The following OFD1 variants were observed in gnomAD, a reference collection of about 807,000 sequenced individuals.
OFD1 encodes OFD1 centriole and centriolar satellite protein.
Under a neutral mutation model 81.4 loss-of-function variants are expected in OFD1, and 12 were observed. That is an observed-to-expected ratio of 0.15 (90% CI 0.09 to 0.24). The LOEUF (loss-of-function observed/expected upper bound fraction) is 0.24, where lower values mean the gene tolerates loss of function less well. Among genes scored for constraint, OFD1 ranks in the 10% least tolerant of loss-of-function variants. The pLI, the probability that OFD1 is intolerant of heterozygous loss-of-function variation, is 1.00. For missense variants in OFD1, 685 were observed against 733.9 expected (o/e 0.93, Z 0.77); for synonymous variants, 256 against 263.7 (o/e 0.97, Z 0.28).
chrX:13,734,217 A>G (rs1281847504), upstream of OFD1: 3 of 454,524 alleles, frequency 6.6e-6, no homozygotes, highest in Non-Finnish European at 1.2e-5. Context: ...ATACAGCTAA[A>G]CCTACAATGC....
the OFD1 span, chrX:13,719,918 G>T: frequency 8.3e-7 from 1 of 1,202,567 alleles, no homozygotes; most frequent in South Asian, 1.8e-5. Flanking sequence ...TCAAAAACTG[G>T]ATTATCATGG....
Position 13,760,727 on chromosome X carries a change from C to T in OFD1, c.2260+7C>T. 1 of 1,211,190 alleles carries T rather than the reference C, an allele frequency of 8.3e-7. No individual in the cohort carries two copies. The highest frequency in any genetic ancestry group is 2.3e-4 in the Middle Eastern group (1 of 4,354). On this transcript the variant is annotated splice_region_variant and intron_variant, in intron 16 of 22. Coordinates refer to ENST00000340096, the MANE Select transcript of OFD1 (RefSeq NM_003611.3). ...AGTGAAATGTATCTGGAAGGTAAGC[C>T]ACCCGCACAAAGGGTTGCGGGGTGC...
chrX:13,755,452 C>T (rs1417771985), intron 12 of OFD1, among the ~76,000 whole-genome samples: 2 of 110,080 alleles, frequency 1.8e-5, no homozygotes, highest in African/African-American at 6.6e-5. Context: ...TCCTGGAGTC[C>T]TGCCCACATC....
At chrX:13,725,703 C>T in the OFD1 span, among the ~76,000 whole-genome samples, 1 of 112,363 alleles carries the variant, frequency 8.9e-6, no homozygotes. Flanking sequence ...CTCTTCTCCT[C>T]CAAAGGATTG....
chrX:13,752,844 A>G, intron 10 of OFD1: 1 of 963,615 alleles, frequency 1.0e-6, no homozygotes, highest in Non-Finnish European at 1.3e-6. Context: ...ACAGCTGGGA[A>G]AGGGAAGTGA....
rs201675886 is a variant in OFD1, at chrX:13,736,642, T to A, written c.276T>A (p.Ser92=). ...LQRCGYEYSL[S]VFFPESGLAK... ...GATGTGGCTATGAATATTCACTTTC[T>A]GTTTTCTTTCCAGAAAGTGGTTTGG... The change falls in exon 3 of 23, where the codon TCT becomes TCA. Residue 92 remains serine, a synonymous_variant. Coordinates refer to ENST00000340096, the MANE Select transcript of OFD1 (RefSeq NM_003611.3). 8.3e-7 allele frequency: 1 copy of A among 1,210,397 alleles called. No individual in the cohort carries two copies. The highest frequency in any genetic ancestry group is 1.1e-6 in the Non-Finnish European group (1 of 894,506).
rs1322792816 is a variant in OFD1 at position 13,762,222 on chromosome X, A to G, written c.2388-122A>G. The G allele has an allele frequency of 9.6e-6, 5 of 521,521 alleles. No individual in the cohort carries two copies. In the African/African-American group the frequency reaches 1.2e-4, roughly 12 times the overall value. 43.0% of individuals were successfully genotyped at this position (521,521 alleles called of 1,213,427 possible). A position where few individuals can be genotyped will look rare whatever the true frequency, so the allele number is the denominator to read the frequency against. ...TGGTGGTGGTGAGGTGGAGCTATTTACAAGACAAAGAGAAAGGGAATTTTG... is the reference window on the plus strand; with the variant it reads ...TGGTGGTGGTGAGGTGGAGCTATTTGCAAGACAAAGAGAAAGGGAATTTTG... On this transcript the variant is annotated intron_variant, in intron 17 of 22. Transcript: ENST00000340096.
intron 11 of OFD1, among the ~76,000 whole-genome samples, chrX:13,753,733 C>T (rs1240336041): frequency 8.9e-6 from 1 of 111,988 alleles, no homozygotes; most frequent in African/African-American, 3.2e-5. Context: ...TTGTCAGGAA[C>T]GTAGCAGCAA....
rs1449819008 is a variant in OFD1, at chrX:13,735,416, C to G, written c.111+70C>G. The stretch of plus-strand genomic sequence containing the variant: ...CTGTAACAGGTAGTTCAAATTCAAT[C>G]AAGGTTTAGGTTTTAATAATCGTAT... On this transcript the variant is annotated intron_variant, in intron 2 of 22. Transcript: ENST00000340096. 4 of 811,778 alleles carry G rather than the reference C, an allele frequency of 4.9e-6. No homozygotes were observed. In the African/African-American group the frequency reaches 8.1e-5, roughly 16 times the overall value. The allele number at this position is 811,778 out of a possible 1,213,427, so 66.9% of individuals were successfully genotyped here.
At chrX:13,754,687 C>T (rs976800487) in intron 11 of OFD1, among the ~76,000 whole-genome samples, 2 of 112,602 alleles carry the variant, frequency 1.8e-5, no homozygotes, top group Admixed American at 9.3e-5. Flanking sequence ...GGATTACAGG[C>T]GTGAGCCACT....
downstream of OFD1, chrX:13,773,113 C>T (rs1007328195): frequency 1.6e-5 from 14 of 873,100 alleles, no homozygotes; most frequent in Admixed American, 5.0e-5. Flanking sequence ...ACAGACTTGA[C>T]TTTAAAGGGG....
intron 18 of OFD1, 134 bp from the exon 19 acceptor site, chrX:13,763,611 C>G (rs1421453852): frequency 1.8e-5 from 9 of 502,195 alleles, no homozygotes; most frequent in Non-Finnish European, 3.2e-5. Context: ...TTCATAGAAT[C>G]CTGTTAGGAA....
At chrX:13,741,375 A>G (rs1410466047) in intron 5 of OFD1, among the ~76,000 whole-genome samples, 3 of 111,980 alleles carry the variant, frequency 2.7e-5, no homozygotes, top group Non-Finnish European at 5.6e-5. Context: ...TCTTCTAATT[A>G]AGTAACAGAA....
chrX:13,729,659 G>A, the OFD1 span, among the ~76,000 whole-genome samples: 8 of 111,637 alleles, frequency 7.2e-5, no homozygotes, highest in South Asian at 3.7e-4. Context: ...CTGTAATCCC[G>A]GCACTTTGGG....
the OFD1 span, among the ~76,000 whole-genome samples, chrX:13,729,392 G>A: frequency 1.2e-4 from 13 of 108,502 alleles, no homozygotes; most frequent in African/African-American, 2.3e-4. Flanking sequence ...TACTGGTACC[G>A]AAACAGATAT....
At chrX:13,740,996 C>G (rs988604713) in intron 5 of OFD1, among the ~76,000 whole-genome samples, 3 of 109,753 alleles carry the variant, frequency 2.7e-5, no homozygotes, top group Non-Finnish European at 5.7e-5. Context: ...AAAAGTTAGC[C>G]AGGCCTGGTG....
At chrX:13,753,103 C>T (rs1167378894) in intron 10 of OFD1, 1 of 965,717 alleles carries the variant, frequency 1.0e-6, no homozygotes, top group African/African-American at 2.0e-5. Flanking sequence ...TGATTGCTTT[C>T]AGTAAGTAAC....
chrX:13,759,906 T>C (rs762719468), intron 15 of OFD1, among the ~76,000 whole-genome samples: 12 of 112,308 alleles, frequency 1.1e-4, no homozygotes, highest in Non-Finnish European at 2.3e-4. Context: ...TGAAATTATA[T>C]CATGTTACAA....
chrX:13,721,331 TTATG>T, the OFD1 span: 1 of 112,393 alleles, frequency 8.9e-6, no homozygotes, highest in Non-Finnish European at 1.9e-5. Flanking sequence ...CTGTAGCACC[TTATG>T]GTGCACTTAT....
Sources: gnomAD v4.1 joint callset for allele counts (sites outside exome capture counted in the v4.1 genomes callset) on GRCh38, gnomAD v4.1.1 for gene constraint, MANE v1.5 for transcripts, NCBI Gene and HGNC (gene_info 2026-07-23, HGNC 2026-07-21) for gene names.